The following ZNF674 variants were observed in gnomAD, a reference collection of about 807,000 sequenced individuals.
ZNF674 encodes zinc finger family member 674.
A neutral mutation model predicts 7.0 loss-of-function variants in ZNF674; 2 were observed. The ratio of observed to expected loss-of-function variants is 0.29; its 90% CI spans 0.12 to 0.90. The LOEUF (loss-of-function observed/expected upper bound fraction) is 0.90, where lower values mean the gene tolerates loss of function less well. Ranked by LOEUF, ZNF674 falls within the 40% of genes least tolerant of loss-of-function variation. The pLI, the probability that ZNF674 is intolerant of heterozygous loss-of-function variation, is 0.57. For missense variants in ZNF674, 297 were observed against 415.5 expected (o/e 0.71, Z 2.48); for synonymous variants, 103 against 145.2 (o/e 0.71, Z 2.09).
intron 3 of ZNF674, among the ~76,000 whole-genome samples, chrX:46,538,093 A>C (rs1339674600): frequency 1.8e-5 from 2 of 111,143 alleles, no homozygotes; most frequent in Non-Finnish European, 3.8e-5. Flanking sequence ...CATCTCAAAA[A>C]AAAAAAAAAG....
At chrX:46,513,747 TTATCTC>T (rs1195005312) in intron 5 of ZNF674, among the ~76,000 whole-genome samples, 3 of 111,876 alleles carry the variant, frequency 2.7e-5, no homozygotes, top group East Asian at 2.8e-4. Context: ...TTAATGTCCT[TTATCTC>T]TAACATACCC....
At chrX:46,522,565 G>A (rs1190223871) in intron 5 of ZNF674, among the ~76,000 whole-genome samples, 1 of 111,900 alleles carries the variant, frequency 8.9e-6, no homozygotes, top group African/African-American at 3.2e-5. Flanking sequence ...TCAGGAGGCT[G>A]AGGCAGGAGG....
At chrX:46,510,962 A>C (rs909376861) in intron 5 of ZNF674, among the ~76,000 whole-genome samples, 5 of 112,264 alleles carry the variant, frequency 4.5e-5, no homozygotes, top group African/African-American at 6.5e-5. Flanking sequence ...CATATATAAA[A>C]CAGGGATAAC....
At chrX:46,538,924 C>A (rs1282258330) in intron 3 of ZNF674, among the ~76,000 whole-genome samples, 1 of 111,278 alleles carries the variant, frequency 9.0e-6, no homozygotes, top group East Asian at 2.8e-4. Context: ...ATGGCTCCCA[C>A]CTGTAATCCC....
chrX:46,506,083 GA>G (rs1476877513), intron 5 of ZNF674, among the ~76,000 whole-genome samples: 1 of 112,406 alleles, frequency 8.9e-6, no homozygotes, highest in Non-Finnish European at 1.9e-5. Flanking sequence ...TAACCTGTAG[GA>G]AAGTGTTAAC....
At chrX:46,508,911 C>G (rs887889129) in intron 5 of ZNF674, among the ~76,000 whole-genome samples, 1 of 111,189 alleles carries the variant, frequency 9.0e-6, no homozygotes, top group African/African-American at 3.3e-5. Context: ...CATCTGCAAA[C>G]AGGGACAATT....
At chrX:46,501,707 C>T (rs1267825520) in intron 5 of ZNF674, among the ~76,000 whole-genome samples, 1 of 106,147 alleles carries the variant, frequency 9.4e-6, no homozygotes, top group Non-Finnish European at 1.9e-5. Flanking sequence ...TGAAAGGTTG[C>T]CACTGCTATG....
intron 5 of ZNF674, among the ~76,000 whole-genome samples, chrX:46,519,437 G>A (rs965642057): frequency 4.7e-5 from 5 of 107,278 alleles, no homozygotes; most frequent in African/African-American, 1.0e-4. Context: ...GTGAAACCCC[G>A]TCTCTACTAA....
chrX:46,531,976 C>A (rs1169579268), intron 3 of ZNF674, among the ~76,000 whole-genome samples: 1 of 111,442 alleles, frequency 9.0e-6, no homozygotes, highest in Non-Finnish European at 1.9e-5. Flanking sequence ...ACCAGCCTGG[C>A]CAACATGATG....
intron 5 of ZNF674, among the ~76,000 whole-genome samples, chrX:46,526,340 G>A (rs1039232226): frequency 1.8e-5 from 2 of 111,484 alleles, no homozygotes; most frequent in Non-Finnish European, 3.8e-5. Flanking sequence ...TGGCAGTGGC[G>A]TGATCACGGC....
intron 5 of ZNF674, among the ~76,000 whole-genome samples, chrX:46,510,863 G>A (rs1487424853): frequency 8.9e-6 from 1 of 112,459 alleles, no homozygotes; most frequent in East Asian, 2.8e-4. Context: ...GGCTCTTGAT[G>A]AAAGATATCT....
chrX:46,502,943 G>A lies in ZNF674; in HGVS notation c.239-1608C>T, dbSNP rs141358506. 6.9e-3 allele frequency among the ~76,000 whole-genome samples: 772 copies of A among 112,134 alleles called. 6 individuals carry two copies. The highest frequency in any genetic ancestry group is 0.019 in the East Asian group (69 of 3,582). On this transcript the variant is annotated intron_variant, in intron 5 of 5. Coordinates refer to ENST00000683375, the MANE Select transcript of ZNF674 (RefSeq NM_001190417.2). ...TAGAGAATATCTGAGTATGGGAGTC[G>A]TCTTGGGGACCCCTGATCTAGGCAG... is the stretch of plus-strand genomic sequence containing the variant.
chrX:46,500,778 G>T lies in ZNF674; in HGVS notation c.796C>A (p.Gln266Lys). 1 of 1,199,385 alleles carries T rather than the reference G, an allele frequency of 8.3e-7. No homozygotes were observed. The highest frequency in any genetic ancestry group is 1.1e-6 in the Non-Finnish European group (1 of 888,387). ...GGCTTCTCCCCTGTGTGAGTTCTCT[G>T]GTGTGCTATGAGGGTTGACTTCTGG... ...FSQKSTLIAH[Q>K]RTHTGEKPYE... Residue 266 changes from glutamine (Q) to lysine (K), a missense_variant, in exon 6 of 6, where the codon CAG (glutamine) becomes AAG (lysine). Physicochemically the swap from Gln to Lys is moderately conservative, Grantham distance 53 (BLOSUM62 1). Coordinates refer to ENST00000683375, the MANE Select transcript of ZNF674 (RefSeq NM_001190417.2).
chrX:46,524,049 A>C (rs1260468016), intron 5 of ZNF674, among the ~76,000 whole-genome samples: 1 of 111,539 alleles, frequency 9.0e-6, no homozygotes, highest in East Asian at 2.8e-4. Context: ...TCTCAAAAAA[A>C]AAAAAAAAGA....
chrX:46,524,814 A>C (rs1243719656), intron 5 of ZNF674, among the ~76,000 whole-genome samples: 1 of 111,256 alleles, frequency 9.0e-6, no homozygotes, highest in Non-Finnish European at 1.9e-5. Flanking sequence ...GTTCAAGACC[A>C]GTCTGGGCAA....
chrX:46,501,586 G>A (rs1348755729), intron 5 of ZNF674, among the ~76,000 whole-genome samples: 1 of 109,878 alleles, frequency 9.1e-6, no homozygotes, highest in Non-Finnish European at 1.9e-5. Flanking sequence ...AGGCACAAAT[G>A]TTCAGGAATT....
intron 5 of ZNF674, among the ~76,000 whole-genome samples, chrX:46,503,059 A>G (rs1270401640): frequency 1.8e-5 from 2 of 112,392 alleles, no homozygotes; most frequent in Non-Finnish European, 3.7e-5. Flanking sequence ...AGTGTGGAAA[A>G]TAAACAAGTC....
chrX:46,516,516 T>C lies in ZNF674; in HGVS notation c.238+11834A>G, dbSNP rs773231181. 5.4e-5 allele frequency among the ~76,000 whole-genome samples: 6 copies of C among 111,845 alleles called. No homozygotes were observed. In the East Asian group the frequency reaches 1.7e-3, roughly 31 times the overall value. ...CTCAAGTCTGAGACTAACACCTGAG[T>C]GACAAATGTAAGCAGGGCAGTGAAG... On this transcript the variant is annotated intron_variant, in intron 5 of 5. Coordinates refer to ENST00000683375, the MANE Select transcript of ZNF674 (RefSeq NM_001190417.2).
At chrX:46,533,826 A>C (rs1942153307) in intron 3 of ZNF674, among the ~76,000 whole-genome samples, 1 of 75,684 alleles carries the variant, frequency 1.3e-5, no homozygotes, top group Non-Finnish European at 2.3e-5. Flanking sequence ...AAAAAAAAAA[A>C]AAAATATATA....
Sources: gnomAD v4.1 joint callset for allele counts (sites outside exome capture counted in the v4.1 genomes callset) on GRCh38, gnomAD v4.1.1 for gene constraint, MANE v1.5 for transcripts, NCBI Gene and HGNC (gene_info 2026-07-23, HGNC 2026-07-21) for gene names.